CREG1: variants seen among roughly 807,000 people sequenced by gnomAD.
CREG1 encodes cellular repressor of E1A stimulated genes 1.
CREG1 carries 20 observed loss-of-function variants against 19.9 expected under a neutral mutation model. The ratio of observed to expected loss-of-function variants is 1.01; its 90% CI spans 0.71 to 1.46. The LOEUF is 1.46. CREG1 is among the 40% of genes most tolerant of loss of function. The probability of loss-of-function intolerance (pLI) is 0.00; values close to 1 mark genes in which losing one functional copy is unlikely to be tolerated. For missense variants in CREG1, 290 were observed against 314.9 expected (o/e 0.92, Z 0.60); for synonymous variants, 141 against 143.3 (o/e 0.98, Z 0.12).
chr1:167,553,264 C>G (rs1571628577), intron 1 of CREG1, 124 bp downstream of exon 1: 1 of 763,902 alleles, frequency 1.3e-6, no homozygotes, highest in East Asian at 3.4e-5. Flanking sequence ...GCCTGCGCGG[C>G]AGAGAAGCAA....
At chr1:167,543,180 G>C (rs1003441715) in intron 3 of CREG1, among the ~76,000 whole-genome samples, 1 of 151,260 alleles carries the variant, frequency 6.6e-6, no homozygotes, top group African/African-American at 2.4e-5. Context: ...CCAGGAGGCA[G>C]AGCTTACAGT....
At chr1:167,547,249 T>A (rs1459461873) in intron 2 of CREG1, among the ~76,000 whole-genome samples, 2 of 152,198 alleles carry the variant, frequency 1.3e-5, no homozygotes, top group East Asian at 3.8e-4. Context: ...CAAACTAAAT[T>A]CACTTCCAGT....
chr1:167,551,695 G>A (rs1278028675), intron 1 of CREG1, among the ~76,000 whole-genome samples: 4 of 152,176 alleles, frequency 2.6e-5, no homozygotes, highest in Non-Finnish European at 5.9e-5. Flanking sequence ...GCGGGAAGGG[G>A]TGTTGTCTTA....
In CREG1 at chr1:167,553,742, G is replaced by A. The variant is rs1041388610; in HGVS notation, c.-1C>T. 19 of 1,277,890 alleles carry A rather than the reference G, an allele frequency of 1.5e-5. No homozygotes were observed. The African/African-American group carries it at 2.2e-4, about 15-fold the overall frequency. 79.2% of individuals were successfully genotyped at this position (1,277,890 alleles called of 1,614,324 possible). A position where few individuals can be genotyped will look rare whatever the true frequency, so the allele number is the denominator to read the frequency against. On this transcript the variant is annotated 5_prime_UTR_variant, in exon 1 of 4. Coordinates refer to ENST00000370509, the MANE Select transcript of CREG1 (RefSeq NM_003851.3). ...CGGACCCGCGGGATAGCCCGGCCAT[G>A]GCGGTGTCTCCAGGAAGAGTCCCGG... is the stretch of plus-strand genomic sequence containing the variant.
chr1:167,553,005 CCA>C (rs1487706533), intron 1 of CREG1, among the ~76,000 whole-genome samples: 1 of 151,374 alleles, frequency 6.6e-6, no homozygotes, highest in African/African-American at 2.4e-5. Context: ...TGAGATAGCG[CCA>C]CTGCACTCCA....
intron 3 of CREG1, among the ~76,000 whole-genome samples, chr1:167,543,640 A>T (rs539805585): frequency 6.6e-6 from 1 of 152,228 alleles, no homozygotes; most frequent in East Asian, 1.9e-4. Context: ...CTGGTGGCAA[A>T]CCTGGCGGGT....
chr1:167,553,547 G>GACGTGCGTCACGAAGCGGGCC lies in CREG1; in HGVS notation c.174_194dup (p.Ala59_Val65dup). On this transcript the variant is annotated inframe_insertion, in exon 1 of 4. Coordinates refer to ENST00000370509, the MANE Select transcript of CREG1 (RefSeq NM_003851.3). ...TGGTGGCCAGAGCGCCCCAGTCGGA[G>GACGTGCGTCACGAAGCGGGCC]ACGTGCGTCACGAAGCGGGCCACGC... 6.8e-7 allele frequency: 1 copy of GACGTGCGTCACGAAGCGGGCC among 1,473,388 alleles called. No individual in the cohort carries two copies. The highest frequency in any genetic ancestry group is 8.9e-7 in the Non-Finnish European group (1 of 1,119,218). 91.3% of individuals were successfully genotyped at this position (1,473,388 alleles called of 1,614,324 possible). A position where few individuals can be genotyped will look rare whatever the true frequency, so the allele number is the denominator to read the frequency against.
intron 1 of CREG1, among the ~76,000 whole-genome samples, chr1:167,552,458 C>T (rs1397667418): frequency 6.6e-6 from 1 of 152,216 alleles, no homozygotes; most frequent in Non-Finnish European, 1.5e-5. Context: ...GACCCCATCC[C>T]TGAGACAGCA....
chr1:167,549,530 G>C (rs1188161835), intron 1 of CREG1, among the ~76,000 whole-genome samples: 2 of 152,036 alleles, frequency 1.3e-5, no homozygotes, highest in African/African-American at 2.4e-5. Context: ...GATTACTGGT[G>C]TGTGCCACCA....
chr1:167,545,523 A>G (rs190875274), intron 3 of CREG1, among the ~76,000 whole-genome samples: 2 of 152,204 alleles, frequency 1.3e-5, no homozygotes, highest in Admixed American at 1.3e-4. Flanking sequence ...TTCAATCCTC[A>G]CTACTTTAAA....
intron 1 of CREG1, among the ~76,000 whole-genome samples, chr1:167,551,608 C>G (rs1382078663): frequency 6.6e-6 from 1 of 152,212 alleles, no homozygotes; most frequent in Non-Finnish European, 1.5e-5. Flanking sequence ...AGTCACCTCA[C>G]AAATTTAAAT....
chr1:167,550,333 T>A (rs1656403511), intron 1 of CREG1, among the ~76,000 whole-genome samples: 1 of 152,184 alleles, frequency 6.6e-6, no homozygotes, highest in Admixed American at 6.5e-5. Flanking sequence ...CTTACGCAGC[T>A]ATAGGCAGCT....
chr1:167,544,853 T>C (rs966609081), intron 3 of CREG1, among the ~76,000 whole-genome samples: 3 of 152,174 alleles, frequency 2.0e-5, no homozygotes, highest in South Asian at 2.1e-4. Flanking sequence ...TAATAAACAA[T>C]GGACACTAGC....
intron 3 of CREG1, among the ~76,000 whole-genome samples, chr1:167,545,303 C>CA (rs1656297991): frequency 6.6e-6 from 1 of 152,132 alleles, no homozygotes; most frequent in African/African-American, 2.4e-5. Context: ...GGCCTGTAGA[C>CA]AGAGTTCAGG....
At position 167,553,590 on chromosome 1, in the gene CREG1, G is replaced by A. The variant is rs1320013639; in HGVS notation, c.152C>T (p.Pro51Leu). The A allele has an allele frequency of 2.0e-5, 29 of 1,422,972 alleles. No individual in the cohort carries two copies. Among genetic ancestry groups the A allele is most frequent in the Non-Finnish European group, 2.6e-5 (28 of 1,093,632 alleles). The allele number at this position is 1,422,972 out of a possible 1,614,324, so 88.1% of individuals were successfully genotyped here. A position where few individuals can be genotyped will look rare whatever the true frequency, so the allele number is the denominator to read the frequency against. Residue 51 changes from proline (P) to leucine (L), a missense_variant, in exon 1 of 4, where the codon CCC becomes CTC. Transcript: ENST00000370509. ...DEASRLPPLP[P>L]REDAARVARF... ...GGCCACGCGCGCCGCGTCCTCGCGG[G>A]GTGGTAGCGGCGGCAGCCGGGAGGC...
chr1:167,551,074 C>T (rs1003681039), intron 1 of CREG1, among the ~76,000 whole-genome samples: 1 of 152,178 alleles, frequency 6.6e-6, no homozygotes, highest in African/African-American at 2.4e-5. Context: ...AACACGGTCC[C>T]ACTATAAGCT....
chr1:167,545,037 C>T (rs895683100), intron 3 of CREG1, among the ~76,000 whole-genome samples: 3 of 152,282 alleles, frequency 2.0e-5, no homozygotes, highest in African/African-American at 7.2e-5. Flanking sequence ...GCTTTATTTT[C>T]TCCCATGGCC....
chr1:167,547,526 C>A (rs920477658), intron 2 of CREG1, among the ~76,000 whole-genome samples: 1 of 152,142 alleles, frequency 6.6e-6, no homozygotes, highest in African/African-American at 2.4e-5. Context: ...ATGAAAGCAA[C>A]TTATTAAAAC....
intron 1 of CREG1, among the ~76,000 whole-genome samples, chr1:167,549,778 G>A (rs1429798311): frequency 6.6e-6 from 1 of 151,994 alleles, no homozygotes; most frequent in Non-Finnish European, 1.5e-5. Context: ...TCAACCTCCA[G>A]GGCTCATGTG....
Sources: gnomAD v4.1 joint callset for allele counts (sites outside exome capture counted in the v4.1 genomes callset) on GRCh38, gnomAD v4.1.1 for gene constraint, MANE v1.5 for transcripts, NCBI Gene and HGNC (gene_info 2026-07-23, HGNC 2026-07-21) for gene names.